MTUS1: variants seen among roughly 807,000 people sequenced by gnomAD.
MTUS1 encodes microtubule associated scaffold protein 1.
Under a neutral mutation model 120.8 loss-of-function variants are expected in MTUS1, and 109 were observed. The observed-to-expected ratio is 0.90, with a 90% confidence interval of 0.77 to 1.06. The LOEUF is 1.06. Ranked by LOEUF, MTUS1 falls within the 50% of genes least tolerant of loss-of-function variation. The pLI is 0.00. For missense variants in MTUS1, 2,210 were observed against 1,486.3 expected, an observed-to-expected ratio of 1.49 and a Z score of -8.01; for synonymous variants, 737 against 550.5, an observed-to-expected ratio of 1.34 and a Z score of -4.74.
chr8:17,697,363 G>A (rs374623117), intron 6 of MTUS1: 8 of 1,614,096 alleles, frequency 5.0e-6, no homozygotes, highest in African/African-American at 2.7e-5. Context: ...AGGAGAATTT[G>A]GGAGACAACA....
intron 1 of MTUS1, among the ~76,000 whole-genome samples, chr8:17,783,385 G>A (rs7461161): frequency 0.27 from 41,032 of 152,024 alleles, 7,116 homozygotes; most frequent in African/African-American, 0.47. Flanking sequence ...TCCCTCTCTT[G>A]CCCTCATAAG....
Position 17,655,875 on chromosome 8 carries a change from T to C in MTUS1, c.3096A>G (p.Gln1032=), listed in dbSNP as rs371585621. ...CAAAAGCACAGACCTGCTCTTGCAA[T>C]TGCATTTTGTACTTCTCTGCTTCTT... ...YIEEAEKYKM[Q]LQEQFDNLNA... Residue 1032 remains glutamine, a synonymous_variant, in exon 9 of 15, where the codon CAA becomes CAG. Transcript: ENST00000693296. 1.3e-5 allele frequency: 21 copies of C among 1,614,072 alleles called. 1 individual carries two copies. The highest frequency in any genetic ancestry group is 1.4e-5 in the Non-Finnish European group (17 of 1,180,030).
At chr8:17,784,670 C>G (rs953270327) in intron 1 of MTUS1, among the ~76,000 whole-genome samples, 52 of 152,172 alleles carry the variant, frequency 3.4e-4, no homozygotes, top group African/African-American at 1.2e-3. Context: ...GGAATGTATA[C>G]AATAGCATGC....
At chr8:17,679,246 CAT>C (rs1039682108) in intron 7 of MTUS1, among the ~76,000 whole-genome samples, 5 of 151,666 alleles carry the variant, frequency 3.3e-5, no homozygotes, top group African/African-American at 7.3e-5. Context: ...TATAAAAATA[CAT>C]AGACATACAA....
chr8:17,733,825 T>C (rs2046754585), intron 3 of MTUS1, among the ~76,000 whole-genome samples: 1 of 152,202 alleles, frequency 6.6e-6, no homozygotes, highest in Non-Finnish European at 1.5e-5. Flanking sequence ...TTCTACCTTC[T>C]AGTATCTCAG....
chr8:17,728,831 G>C (rs904034910), intron 3 of MTUS1, among the ~76,000 whole-genome samples: 2 of 152,146 alleles, frequency 1.3e-5, no homozygotes, highest in African/African-American at 4.8e-5. Flanking sequence ...ATCAGAACTT[G>C]ATTGTGTGGT....
chr8:17,745,844 C>A (rs2047701558), intron 2 of MTUS1, among the ~76,000 whole-genome samples: 1 of 152,196 alleles, frequency 6.6e-6, no homozygotes, highest in African/African-American at 2.4e-5. Flanking sequence ...TGTGTCCCCA[C>A]CCAAATCTCA....
chr8:17,757,420 T>C (rs2048708339), intron 1 of MTUS1, among the ~76,000 whole-genome samples: 1 of 152,236 alleles, frequency 6.6e-6, no homozygotes, highest in Non-Finnish European at 1.5e-5. Context: ...TATGTACTGA[T>C]GATGGCTGCA....
intron 1 of MTUS1, among the ~76,000 whole-genome samples, chr8:17,768,053 T>C (rs1382659940): frequency 6.6e-6 from 1 of 152,178 alleles, no homozygotes; most frequent in South Asian, 2.1e-4. Context: ...TGGCACACAA[T>C]ATGTGCCCAA....
intron 8 of MTUS1, chr8:17,674,636 G>C (rs147426592): frequency 7.1e-6 from 7 of 986,494 alleles, no homozygotes; most frequent in African/African-American, 1.7e-5. Flanking sequence ...CTGGGTGGTA[G>C]GTGTTGAGAC....
At chr8:17,739,095 G>C (rs2047129727) in intron 3 of MTUS1, among the ~76,000 whole-genome samples, 1 of 152,110 alleles carries the variant, frequency 6.6e-6, no homozygotes, top group Non-Finnish European at 1.5e-5. Context: ...GTGATCTATG[G>C]TGGAGTCAGT....
chr8:17,655,220 C>T (rs1001455827), intron 9 of MTUS1, among the ~76,000 whole-genome samples: 4 of 113,720 alleles, frequency 3.5e-5, no homozygotes, highest in African/African-American at 1.3e-4. Context: ...AAGGGAGCTA[C>T]AAAATTAAAA....
At chr8:17,762,228 G>A (rs911327156) in intron 1 of MTUS1, among the ~76,000 whole-genome samples, 3 of 152,202 alleles carry the variant, frequency 2.0e-5, no homozygotes, top group South Asian at 2.1e-4. Flanking sequence ...GCAGTGAGCC[G>A]AGATCACACC....
chr8:17,669,562 C>G (rs17125051), intron 8 of MTUS1, among the ~76,000 whole-genome samples: 10,629 of 152,158 alleles, frequency 0.07, 773 homozygotes, highest in African/African-American at 0.17. Context: ...ATGTCCAGTA[C>G]AGGCCAGGAG....
chr8:17,792,508 T>C (rs2051878083), intron 1 of MTUS1, among the ~76,000 whole-genome samples: 1 of 152,218 alleles, frequency 6.6e-6, no homozygotes, highest in Admixed American at 6.5e-5. Flanking sequence ...ACCCTACTCT[T>C]TTAAATTCAA....
At chr8:17,764,072 A>G (rs1036847480) in intron 1 of MTUS1, among the ~76,000 whole-genome samples, 4 of 152,246 alleles carry the variant, frequency 2.6e-5, no homozygotes, top group Non-Finnish European at 5.9e-5. Flanking sequence ...TGAATGTTTT[A>G]AAGGGTTTTT....
At chr8:17,682,573 G>T (rs1814794534) in intron 7 of MTUS1, among the ~76,000 whole-genome samples, 1 of 151,332 alleles carries the variant, frequency 6.6e-6, no homozygotes, top group Admixed American at 6.6e-5. Context: ...GCTATCCAGG[G>T]TCTGAGCAAG....
At chr8:17,705,157 T>A (rs1357790293) in intron 6 of MTUS1, among the ~76,000 whole-genome samples, 1 of 152,064 alleles carries the variant, frequency 6.6e-6, no homozygotes, top group East Asian at 1.9e-4. Context: ...AATTTTTTTG[T>A]ATTTTTGGTA....
At chr8:17,690,274 T>G (rs1047901269) in intron 6 of MTUS1, among the ~76,000 whole-genome samples, 4 of 151,934 alleles carry the variant, frequency 2.6e-5, no homozygotes, top group Non-Finnish European at 2.9e-5. Context: ...AAGTAGAACA[T>G]ACGAAAAAAT....
Sources: gnomAD v4.1 joint callset for allele counts (sites outside exome capture counted in the v4.1 genomes callset) on GRCh38, gnomAD v4.1.1 for gene constraint, MANE v1.5 for transcripts, NCBI Gene and HGNC (gene_info 2026-07-23, HGNC 2026-07-21) for gene names.